The following PRKAG2 variants were observed in gnomAD, a reference collection of about 807,000 sequenced individuals.
PRKAG2 encodes the protein 5'-AMP-activated protein kinase subunit gamma-2.
A neutral mutation model predicts 69.6 loss-of-function variants in PRKAG2; 26 were observed. That is an observed-to-expected ratio of 0.37 (90% CI 0.27 to 0.52). The LOEUF (loss-of-function observed/expected upper bound fraction) is 0.52. Ranked by LOEUF, PRKAG2 falls within the 20% of genes least tolerant of loss-of-function variation. The pLI, the probability that PRKAG2 is intolerant of heterozygous loss-of-function variation, is 0.90. For missense variants in PRKAG2, 557 were observed against 740.0 expected, an observed-to-expected ratio of 0.75 and a Z score of 2.87; for synonymous variants, 293 against 285.0, an observed-to-expected ratio of 1.03 and a Z score of -0.28.
At chr7:151,818,290 G>A (rs189117713) in intron 1 of PRKAG2, among the ~76,000 whole-genome samples, 63 of 152,310 alleles carry the variant, frequency 4.1e-4, no homozygotes, top group Non-Finnish European at 6.2e-4. Flanking sequence ...TGTAAAAGGC[G>A]TGTCTCCAGC....
At chr7:151,718,612 CAA>C (rs35143182) in intron 3 of PRKAG2, among the ~76,000 whole-genome samples, 84 of 74,704 alleles carry the variant, frequency 1.1e-3, no homozygotes, top group Non-Finnish European at 1.1e-3. Context: ...CCCCAGGATG[CAA>C]AAAAAAAAAA....
intron 4 of PRKAG2, chr7:151,675,001 A>G: frequency 3.0e-6 from 1 of 330,818 alleles, no homozygotes; most frequent in South Asian, 2.5e-5. Flanking sequence ...AGCTCACTGC[A>G]GTGTCTGCCA....
chr7:151,587,680 A>C (rs1304540011), intron 6 of PRKAG2, among the ~76,000 whole-genome samples: 1 of 152,168 alleles, frequency 6.6e-6, no homozygotes, highest in African/African-American at 2.4e-5. Context: ...ATTCTGGAAA[A>C]TACCTGACCA....
At position 151,777,398 on chromosome 7, in the gene PRKAG2, A is replaced by G. The variant is rs995885491; in HGVS notation, c.466+3754T>C. Among the ~76,000 whole-genome samples the G allele has an allele frequency of 6.6e-6, 1 of 152,064 alleles. No homozygotes were observed. Among genetic ancestry groups the G allele is most frequent in the Non-Finnish European group, 1.5e-5 (1 of 67,988 alleles). On this transcript the variant is annotated intron_variant, in intron 3 of 15. Transcript: ENST00000287878. This position sits in a 1 kb window ranked among gnomAD's most constrained non-coding sequence, Gnocchi z 4.3. ...GTTGAAATTGGATCCCCGGTGTTGG[A>G]GGTGGGGCCCCGTGGGAGGTGTTTG... is the stretch of plus-strand genomic sequence containing the variant.
At chr7:151,612,737 T>A (rs1160352328) in intron 5 of PRKAG2, among the ~76,000 whole-genome samples, 1 of 152,226 alleles carries the variant, frequency 6.6e-6, no homozygotes, top group East Asian at 1.9e-4. Flanking sequence ...AGTGACCGTC[T>A]ATGGGACCAT....
chr7:151,617,207 G>C (rs1460465535), intron 5 of PRKAG2, among the ~76,000 whole-genome samples: 2 of 149,558 alleles, frequency 1.3e-5, no homozygotes, highest in African/African-American at 4.9e-5. Context: ...GTTGCAGTGA[G>C]CCAAGATCAC....
intron 1 of PRKAG2, among the ~76,000 whole-genome samples, chr7:151,796,639 T>C (rs1375482613): frequency 6.6e-6 from 1 of 152,098 alleles, no homozygotes; most frequent in Non-Finnish European, 1.5e-5. Context: ...CAGTTGGAGC[T>C]CGGCAAGGAC....
intron 5 of PRKAG2, among the ~76,000 whole-genome samples, chr7:151,621,683 C>T (rs1418040648): frequency 6.6e-6 from 1 of 152,122 alleles, no homozygotes; most frequent in Non-Finnish European, 1.5e-5. Context: ...AGCAATCCTC[C>T]TATCTCAGCC....
chr7:151,768,673 G>T lies in PRKAG2; in HGVS notation c.466+12479C>A, dbSNP rs541514700. ...GTAGAGACAGGGTTTCGCCATGTTG[G>T]CCAGGCTGCTCTTGAACTCCTGGGC... On this transcript the variant is annotated intron_variant, in intron 3 of 15. Transcript: ENST00000287878. Among the ~76,000 whole-genome samples, 6 of 152,276 alleles carry T rather than the reference G, an allele frequency of 3.9e-5. No individual in the cohort carries two copies. The East Asian group carries it at 1.2e-3, about 29-fold the overall frequency.
At position 151,781,343 on chromosome 7, in the gene PRKAG2, G is replaced by A; in HGVS notation, c.275C>T (p.Pro92Leu). 1.9e-6 allele frequency: 3 copies of A among 1,613,942 alleles called. No homozygotes were observed. The highest frequency in any genetic ancestry group is 2.5e-6 in the Non-Finnish European group (3 of 1,179,976). Residue 92 changes from proline (P) to leucine (L), a missense_variant, in exon 3 of 16, where the codon CCT (proline) becomes CTT (leucine). Pro to Leu is a moderately conservative substitution (Grantham distance 98). Coordinates refer to ENST00000287878, the MANE Select transcript of PRKAG2 (RefSeq NM_016203.4). This position sits in a 1 kb window ranked among gnomAD's most constrained non-coding sequence, Gnocchi z 6.1. ...QPRPSSPMSA[P>L]VRPKTSPGSP... Reference sequence around the variant, plus strand: ...GCCGGGGCTGGTCTTGGGCCTCACAGGTGCAGACATGGGGCTGGAGGGCCG... The same window carrying A: ...GCCGGGGCTGGTCTTGGGCCTCACAAGTGCAGACATGGGGCTGGAGGGCCG...
rs1311844752 is a variant in PRKAG2 at position 151,567,067 on chromosome 7, G to C, written c.1234-1182C>G. Among the ~76,000 whole-genome samples, 1 of 152,154 alleles carries C rather than the reference G, an allele frequency of 6.6e-6. No homozygotes were observed. The highest frequency in any genetic ancestry group is 2.4e-5 in the African/African-American group (1 of 41,422). Reference sequence around the variant, plus strand: ...TGATCTCACGCTTTTACTCCCTCTTGTGCAACAGCACACTAGCAGAAATAG... The same window carrying C: ...TGATCTCACGCTTTTACTCCCTCTTCTGCAACAGCACACTAGCAGAAATAG... On this transcript the variant is annotated intron_variant, in intron 11 of 15. Transcript: ENST00000287878. The surrounding 1 kb of genome is among the most constrained non-coding windows in gnomAD (Gnocchi z 4.2).
intron 5 of PRKAG2, among the ~76,000 whole-genome samples, chr7:151,618,623 G>A (rs1420087636): frequency 6.6e-6 from 1 of 151,982 alleles, no homozygotes. Flanking sequence ...AAATCAGCCA[G>A]GCATGGTGGT....
At chr7:151,775,586 C>G (rs2076301111) in intron 3 of PRKAG2, among the ~76,000 whole-genome samples, 1 of 152,174 alleles carries the variant, frequency 6.6e-6, no homozygotes, top group Non-Finnish European at 1.5e-5. Flanking sequence ...GAAATGTATC[C>G]CTTAATGCCT....
At chr7:151,705,449 C>T (rs1316731729) in intron 3 of PRKAG2, among the ~76,000 whole-genome samples, 1 of 152,156 alleles carries the variant, frequency 6.6e-6, no homozygotes, top group Non-Finnish European at 1.5e-5. Flanking sequence ...CCCCGGTATG[C>T]CGAACACGCA....
chr7:151,690,312 G>A (rs892576159), intron 3 of PRKAG2, among the ~76,000 whole-genome samples: 6 of 152,136 alleles, frequency 3.9e-5, no homozygotes, highest in South Asian at 2.1e-4. Flanking sequence ...CTCGCTTCGC[G>A]GGGAGGGAGA....
At chr7:151,785,538 T>G (rs1042457390) in intron 2 of PRKAG2, among the ~76,000 whole-genome samples, 1 of 152,196 alleles carries the variant, frequency 6.6e-6, no homozygotes, top group African/African-American at 2.4e-5. Flanking sequence ...CCAATTTGAT[T>G]CAGTTGTGTG....
intron 14 of PRKAG2, among the ~76,000 whole-genome samples, chr7:151,561,341 C>T (rs1363235105): frequency 3.9e-5 from 6 of 152,202 alleles, no homozygotes; most frequent in Non-Finnish European, 5.9e-5. Flanking sequence ...TTTCTAATAA[C>T]TATCAGGTAC....
chr7:151,576,412 C>T lies in PRKAG2; in HGVS notation c.905G>A (p.Arg302Gln), dbSNP rs121908987. Residue 302 changes from arginine to glutamine, a missense_variant, in exon 7 of 16, where the codon CGA becomes CAA. Transcript: ENST00000287878. ...TTTACTCTCCCACAGTGGCGCTGCT[C>T]GGACACCGTTGGCTACCAAAGCAAA... is the stretch of plus-strand genomic sequence containing the variant. Reference protein sequence around the residue: ...AFFALVANGVRAAPLWESKKQ... With the variant: ...AFFALVANGVQAAPLWESKKQ... 1.2e-6 allele frequency: 2 copies of T among 1,611,422 alleles called. No individual in the cohort carries two copies. The highest frequency in any genetic ancestry group is 1.7e-6 in the Non-Finnish European group (2 of 1,177,730).
rs397517260 is a variant in PRKAG2 at position 151,570,206 on chromosome 7, T to A, written c.1071A>T (p.Thr357=). Residue 357 remains threonine, a synonymous_variant, in exon 10 of 16, where the codon ACA becomes ACT. Coordinates refer to ENST00000287878, the MANE Select transcript of PRKAG2 (RefSeq NM_016203.4). ...ETWRELYLQE[T]FKPLVNISPD... ...GAGATATATTCACTAAAGGCTTAAA[T>A]GTTTCTTGTAAATAAAGCTCTGTAT... The A allele has an allele frequency of 5.0e-6, 8 of 1,603,288 alleles. No individual in the cohort carries two copies. Among genetic ancestry groups the A allele is most frequent in the Middle Eastern group, 1.7e-4 (1 of 5,990 alleles).
Sources: gnomAD v4.1 joint callset for allele counts (sites outside exome capture counted in the v4.1 genomes callset) on GRCh38, gnomAD v4.1.1 for gene constraint, Gnocchi (gnomAD v3.1) non-coding constraint, MANE v1.5 for transcripts, NCBI Gene and HGNC (gene_info 2026-07-23, HGNC 2026-07-21) for gene names.